The following ACACB variants were observed in gnomAD, a reference collection of about 807,000 sequenced individuals.
ACACB encodes the protein acetyl-CoA carboxylase beta, also known as acetyl-CoA carboxylase 2.
In ACACB, 209 loss-of-function variants were observed where a neutral mutation model predicts 278.8. That is an observed-to-expected ratio of 0.75 (90% confidence interval 0.67 to 0.84). The LOEUF (loss-of-function observed/expected upper bound fraction) is 0.84. ACACB is among the 40% of genes least tolerant of loss of function. The pLI, the probability that ACACB is intolerant of heterozygous loss-of-function variation, is 0.00. For synonymous variants in ACACB, 1,174 were observed against 1,285.6 expected, an observed-to-expected ratio of 0.91 and a Z score of 1.86; for missense variants, 2,850 against 3,269.0, an observed-to-expected ratio of 0.87 and a Z score of 3.13.
At chr12:109,228,735 G>A (rs550946007) in intron 28 of ACACB, among the ~76,000 whole-genome samples, 13 of 152,070 alleles carry the variant, frequency 8.5e-5, no homozygotes, top group South Asian at 2.1e-4. Flanking sequence ...TGACAGTGGA[G>A]TTCTAGAACA....
rs760748409 is a variant in ACACB, at chr12:109,222,563, C to A, written c.3621C>A (p.Asn1207Lys). The A allele has an allele frequency of 1.2e-6, 2 of 1,614,074 alleles. No individual in the cohort carries two copies. The highest frequency in any genetic ancestry group is 3.3e-5 in the Admixed American group (2 of 60,006). The change falls in exon 25 of 53, where the codon AAC (asparagine) becomes AAA (lysine). Residue 1207 changes from asparagine (N) to lysine (K), a missense_variant. Asn to Lys is a moderately conservative substitution (Grantham distance 94, BLOSUM62 0). This residue lies in a region of ACACB where 2,265 missense variants were observed against 2,561.3 expected (regional missense o/e 0.88). Coordinates refer to ENST00000338432, the MANE Select transcript of ACACB (RefSeq NM_001093.4). ...CGGACGAGCTGATCTCCATCCTCAA[C>A]GAGCTCACTCAGCTGAGCAAAAGCG... ...SLSDELISIL[N>K]ELTQLSKSEH...
At chr12:109,151,733 T>C (rs975886105) in intron 2 of ACACB, among the ~76,000 whole-genome samples, 1 of 152,202 alleles carries the variant, frequency 6.6e-6, no homozygotes, top group African/African-American at 2.4e-5. Flanking sequence ...GTAAGTAAAA[T>C]TGAGCTTCTA....
intron 21 of ACACB, 33 bp from the exon 22 acceptor site, chr12:109,212,803 C>A: frequency 6.4e-7 from 1 of 1,572,892 alleles, no homozygotes; most frequent in South Asian, 1.1e-5. Flanking sequence ...TCTGAATCAT[C>A]AGCAGTCAGA....
chr12:109,207,568 A>G (rs921175386), intron 20 of ACACB, among the ~76,000 whole-genome samples: 1 of 152,252 alleles, frequency 6.6e-6, no homozygotes, highest in East Asian at 1.9e-4. Flanking sequence ...TGATGCTCAT[A>G]GCAGTGACTA....
rs373209898 is a variant in ACACB, at chr12:109,235,375, T to C, written c.4404+6T>C. On this transcript the variant is annotated splice_donor_region_variant and intron_variant, in intron 32 of 52. Transcript: ENST00000338432. ...CATTCTTGATTGCCCAAGAGGTTAGTTCACAGTTCATCTCTATGAGTCTTT... is the reference window on the plus strand; with the variant it reads ...CATTCTTGATTGCCCAAGAGGTTAGCTCACAGTTCATCTCTATGAGTCTTT... 4 of 1,612,578 alleles carry C rather than the reference T, an allele frequency of 2.5e-6. No homozygotes were observed. The African/African-American group carries it at 5.3e-5, about 21-fold the overall frequency.
chr12:109,238,746 G>A (rs1427075437), intron 34 of ACACB, among the ~76,000 whole-genome samples: 1 of 151,276 alleles, frequency 6.6e-6, no homozygotes, highest in Non-Finnish European at 1.5e-5. Context: ...TGTATTTTTA[G>A]TAGAGATGGG....
chr12:109,138,381 A>T (rs770036191), intron 1 of ACACB, among the ~76,000 whole-genome samples: 3 of 152,172 alleles, frequency 2.0e-5, no homozygotes, highest in Non-Finnish European at 2.9e-5. Flanking sequence ...AACAGAAAAC[A>T]GTCTCCCGAG....
intron 2 of ACACB, among the ~76,000 whole-genome samples, chr12:109,164,966 G>C (rs2043851516): frequency 1.3e-5 from 2 of 151,906 alleles, no homozygotes; most frequent in Admixed American, 1.3e-4. Flanking sequence ...ACACACAGGA[G>C]ACAGGAAACA....
rs2047402569 is a variant in ACACB, at chr12:109,262,395, A to C, written c.6713A>C (p.Lys2238Thr). Residue 2238 changes from lysine to threonine, a missense_variant, in exon 49 of 53, where the codon AAG (lysine) becomes ACG (threonine). This residue lies in a region of ACACB where 579 missense variants were observed against 684.6 expected (regional missense o/e 0.85). Coordinates refer to ENST00000338432, the MANE Select transcript of ACACB (RefSeq NM_001093.4). ...VLEPEGTVEIKFRKKDLIKSM... is the reference protein window; with the variant it reads ...VLEPEGTVEITFRKKDLIKSM... ...GAACCAGAGGGGACAGTGGAGATTA[A>C]GTTCCGAAAGAAAGATCTGATAAAG... The C allele has an allele frequency of 6.2e-7, 1 of 1,613,578 alleles. No individual in the cohort carries two copies. Among genetic ancestry groups the C allele is most frequent in the Non-Finnish European group, 8.5e-7 (1 of 1,179,834 alleles).
intron 11 of ACACB, among the ~76,000 whole-genome samples, chr12:109,185,014 A>C (rs1160449061): frequency 6.6e-6 from 1 of 152,138 alleles, no homozygotes; most frequent in Non-Finnish European, 1.5e-5. Context: ...ATTTTTGAGG[A>C]GCTCAGGCAG....
intron 11 of ACACB, among the ~76,000 whole-genome samples, chr12:109,182,964 T>G (rs953537193): frequency 6.6e-6 from 1 of 152,224 alleles, no homozygotes; most frequent in African/African-American, 2.4e-5. Flanking sequence ...TCTATTTTGA[T>G]TTGAAGAATT....
chr12:109,129,464 ACT>A (rs2042766992), intron 1 of ACACB, among the ~76,000 whole-genome samples: 1 of 151,982 alleles, frequency 6.6e-6, no homozygotes, highest in Non-Finnish European at 1.5e-5. Context: ...TCCCTGCAAC[ACT>A]CCCTAACATT....
intron 21 of ACACB, among the ~76,000 whole-genome samples, chr12:109,210,687 G>T (rs1359389226): frequency 6.6e-6 from 1 of 151,428 alleles, no homozygotes; most frequent in Admixed American, 6.6e-5. Context: ...GGCCAGGGCA[G>T]GTGGATCACT....
intron 16 of ACACB, among the ~76,000 whole-genome samples, chr12:109,194,512 A>ATGTGTGTGCGTGTGTG (rs1555218202): frequency 1.0e-4 from 9 of 88,822 alleles, no homozygotes; most frequent in African/African-American, 3.8e-4. Flanking sequence ...CTGTGTGTGC[A>ATGTGTGTGCGTGTGTG]TGTGTGTGTG....
chr12:109,153,417 T>C (rs1313178498), intron 2 of ACACB, among the ~76,000 whole-genome samples: 1 of 152,214 alleles, frequency 6.6e-6, no homozygotes, highest in African/African-American at 2.4e-5. Flanking sequence ...CCTCTGAAGT[T>C]TCGCTGAAAA....
intron 40 of ACACB, 46 bp from the exon 41 acceptor site, chr12:109,249,938 T>A (rs1292230485): frequency 6.4e-7 from 1 of 1,563,094 alleles, no homozygotes; most frequent in African/African-American, 1.4e-5. Context: ...CACCTTGGAT[T>A]TTTTGGGGCT....
At chr12:109,167,743 G>A (rs2043966921) in intron 3 of ACACB, among the ~76,000 whole-genome samples, 153 bp from the exon 4 acceptor site, 1 of 149,942 alleles carries the variant, frequency 6.7e-6, no homozygotes, top group South Asian at 2.1e-4. Flanking sequence ...GTGCTGGGGT[G>A]TGTGCCATGG....
intron 19 of ACACB, among the ~76,000 whole-genome samples, chr12:109,204,937 C>T (rs974749213): frequency 2.0e-5 from 3 of 152,118 alleles, no homozygotes; most frequent in Non-Finnish European, 4.4e-5. Flanking sequence ...ACCTCCACTT[C>T]CTGGGTTCAA....
chr12:109,265,180 A>G lies in ACACB; in HGVS notation c.7013A>G (p.Gln2338Arg). The change falls in exon 51 of 53, where the codon CAG becomes CGG. Residue 2338 changes from glutamine (Q) to arginine (R), a missense_variant. Physicochemically the swap from Gln to Arg is conservative, Grantham distance 43 (BLOSUM62 1). This residue lies in a region of ACACB where 579 missense variants were observed against 684.6 expected (regional missense o/e 0.85). Coordinates refer to ENST00000338432, the MANE Select transcript of ACACB (RefSeq NM_001093.4). ...CTGCGCCGCCTCCTCCTGGAGGACC[A>G]GGTCAAGCAGGAGATCCTGCAGGCC... ...WRLRRLLLED[Q>R]VKQEILQASG... is the part of the protein sequence containing the mutation. 3 of 1,613,848 alleles carry G rather than the reference A, an allele frequency of 1.9e-6. No individual in the cohort carries two copies. Among genetic ancestry groups the G allele is most frequent in the Non-Finnish European group, 2.5e-6 (3 of 1,180,012 alleles).
Sources: gnomAD v4.1 joint callset for allele counts (sites outside exome capture counted in the v4.1 genomes callset) on GRCh38, gnomAD v4.1.1 for gene constraint, gnomAD v4.1.1 regional missense constraint, MANE v1.5 for transcripts, NCBI Gene and HGNC (gene_info 2026-07-23, HGNC 2026-07-21) for gene names.